The following MICU1 variants were observed in gnomAD, a reference collection of about 807,000 sequenced individuals.
The protein encoded by MICU1 is calcium uptake protein 1, mitochondrial.
In MICU1, 45 loss-of-function variants were observed where a neutral mutation model predicts 56.8. The observed-to-expected ratio is 0.79, with a 90% CI of 0.62 to 1.02. MICU1 has a LOEUF of 1.02. Among genes scored for constraint, MICU1 ranks in the 50% least tolerant of loss-of-function variants. MICU1 has a pLI of 0.00. For missense variants in MICU1, 504 were observed against 587.1 expected (o/e 0.86, Z 1.46); for synonymous variants, 186 against 195.1 (o/e 0.95, Z 0.39).
intron 7 of MICU1, chr10:72,475,963 A>T (rs920759477): frequency 8.8e-6 from 4 of 452,168 alleles, no homozygotes; most frequent in African/African-American, 6.0e-5. Context: ...GTGGTGGCTC[A>T]TGCCTATAAT....
At chr10:72,390,669 C>T (rs912761022) in intron 10 of MICU1, among the ~76,000 whole-genome samples, 3 of 152,116 alleles carry the variant, frequency 2.0e-5, no homozygotes, top group African/African-American at 7.2e-5. Flanking sequence ...AGGTTCTAAC[C>T]TTTTGGGAAA....
chr10:72,454,361 G>C (rs1299674069), intron 8 of MICU1, among the ~76,000 whole-genome samples: 5 of 152,076 alleles, frequency 3.3e-5, no homozygotes, highest in African/African-American at 1.2e-4. Flanking sequence ...GGCTGAGGCA[G>C]GAGAATTGCT....
At chr10:72,542,411 T>C (rs1839795009) in intron 4 of MICU1, among the ~76,000 whole-genome samples, 1 of 152,232 alleles carries the variant, frequency 6.6e-6, no homozygotes, top group African/African-American at 2.4e-5. Context: ...ATCTTGACTT[T>C]TTCACAGGAC....
intron 6 of MICU1, among the ~76,000 whole-genome samples, chr10:72,488,836 G>A (rs1366986306): frequency 5.3e-5 from 8 of 152,176 alleles, no homozygotes; most frequent in African/African-American, 1.9e-4. Context: ...GGAGGAATTA[G>A]GATTTGAAAT....
chr10:72,416,142 T>G (rs929332911), intron 9 of MICU1, among the ~76,000 whole-genome samples: 1 of 151,976 alleles, frequency 6.6e-6, no homozygotes, highest in Non-Finnish European at 1.5e-5. Context: ...ATGTGTAGGA[T>G]CTTGAGGGAT....
intron 8 of MICU1, among the ~76,000 whole-genome samples, chr10:72,456,849 TTG>T (rs56262647): frequency 0.034 from 4,583 of 133,736 alleles, 97 homozygotes; most frequent in East Asian, 0.066. Flanking sequence ...CGGGCTCATT[TTG>T]TGTGTGTGTG....
chr10:72,458,888 T>TG (rs11431785), intron 8 of MICU1, among the ~76,000 whole-genome samples: 1,108 of 90,096 alleles, frequency 0.012, 17 homozygotes, highest in African/African-American at 0.053. Flanking sequence ...CATTTTTTTT[T>TG]TTTTTTTTTG....
In MICU1 at chr10:72,601,503, T is replaced by A. The variant is rs137928021; in HGVS notation, c.-2+24507A>T. ...GAAAGAAAAAAGTAAAAAGTGTATATATATGTTTGATGTAGTCTTCCCTCT... is the reference window on the plus strand; with the variant it reads ...GAAAGAAAAAAGTAAAAAGTGTATAAATATGTTTGATGTAGTCTTCCCTCT... On this transcript the variant is annotated intron_variant, in intron 1 of 11. Coordinates refer to ENST00000361114, the MANE Select transcript of MICU1 (RefSeq NM_001195518.2). Among the ~76,000 whole-genome samples the A allele has an allele frequency of 2.2e-3, 330 of 149,110 alleles. 2 individuals carry two copies. Among genetic ancestry groups the A allele is most frequent in the Admixed American group, 3.8e-3 (57 of 15,008 alleles).
At chr10:72,403,341 G>C (rs1193543192) in intron 10 of MICU1, among the ~76,000 whole-genome samples, 1 of 151,964 alleles carries the variant, frequency 6.6e-6, no homozygotes, top group Non-Finnish European at 1.5e-5. Flanking sequence ...CTTGGCGAGA[G>C]AGAAACTCTG....
At chr10:72,441,615 C>CTTTTTTTTTTTT (rs71018287) in intron 8 of MICU1, among the ~76,000 whole-genome samples, 1 of 105,474 alleles carries the variant, frequency 9.5e-6, no homozygotes, top group Non-Finnish European at 1.8e-5. Flanking sequence ...TTTAATTTTT[C>CTTTTTTTTTTTT]TTTTTTTTTT....
At chr10:72,426,403 T>A (rs1048722367) in intron 8 of MICU1, among the ~76,000 whole-genome samples, 12 of 151,610 alleles carry the variant, frequency 7.9e-5, no homozygotes, top group African/African-American at 2.9e-4. Context: ...TCTGGATTTT[T>A]TTTTTTTTTT....
At chr10:72,510,656 T>TA (rs536447719) in intron 5 of MICU1, among the ~76,000 whole-genome samples, 1 of 152,046 alleles carries the variant, frequency 6.6e-6, no homozygotes, top group Non-Finnish European at 1.5e-5. Flanking sequence ...TTTTTATTTT[T>TA]TTTTTGAGAT....
In MICU1 at chr10:72,533,740, G is replaced by T. The variant is rs778386721; in HGVS notation, c.537+6C>A. The T allele has an allele frequency of 5.6e-6, 9 of 1,595,610 alleles. No homozygotes were observed. The South Asian group carries it at 9.0e-5, about 16-fold the overall frequency. The stretch of plus-strand genomic sequence containing the variant: ...TATATGTATAGAAGTGTCATAGTTT[G>T]CTCACCTTTCCATCAAAGCGTTTTA... On this transcript the variant is annotated splice_donor_region_variant and intron_variant, in intron 5 of 11. Transcript: ENST00000361114.
chr10:72,477,448 CA>C (rs1335712221), intron 6 of MICU1, 192 bp from the exon 7 acceptor site: 66 of 1,468,462 alleles, frequency 4.5e-5, no homozygotes, highest in Non-Finnish European at 5.5e-5. Flanking sequence ...TCCTTGAAAC[CA>C]AAAAAGAGTA....
intron 5 of MICU1, among the ~76,000 whole-genome samples, chr10:72,518,106 C>A (rs1867706911): frequency 6.6e-6 from 1 of 151,482 alleles, no homozygotes. Flanking sequence ...GATCTCAGCT[C>A]ACTACAACGT....
At chr10:72,569,237 A>ATATATATATATATATTTTTT in intron 1 of MICU1, among the ~76,000 whole-genome samples, 5 of 34,378 alleles carry the variant, frequency 1.5e-4, no homozygotes, top group Admixed American at 6.1e-4. Context: ...ATATATATAT[A>ATATATATATATATATTTTTT]TTTTTTTTTT....
chr10:72,609,360 C>T (rs1841776344), intron 1 of MICU1, among the ~76,000 whole-genome samples: 1 of 152,092 alleles, frequency 6.6e-6, no homozygotes, highest in African/African-American at 2.4e-5. Flanking sequence ...AGTGGTCATG[C>T]CAGGCATGAT....
intron 9 of MICU1, among the ~76,000 whole-genome samples, chr10:72,409,569 T>C (rs551022278): frequency 7.1e-4 from 108 of 152,158 alleles, no homozygotes; most frequent in Non-Finnish European, 1.4e-3. Flanking sequence ...CATGTGCCTA[T>C]AGTACCAGCT....
intron 5 of MICU1, among the ~76,000 whole-genome samples, chr10:72,523,593 G>T (rs1867885958): frequency 6.6e-6 from 1 of 152,028 alleles, no homozygotes; most frequent in Non-Finnish European, 1.5e-5. Flanking sequence ...GCACCCTGTG[G>T]TCTTCGTTAG....
Sources: allele counts gnomAD v4.1 joint callset (sites outside exome capture counted in the v4.1 genomes callset), GRCh38; gene constraint gnomAD v4.1.1; transcripts MANE v1.5; gene names NCBI Gene and HGNC (gene_info 2026-07-23, HGNC 2026-07-21).